The following VCF1 variants were observed in gnomAD, a reference collection of about 807,000 sequenced individuals.
VCF1 encodes the protein VCP nuclear cofactor family member 1.
At chr17:73,231,989 G>T in the VCF1 span, 1 of 1,323,974 alleles carries the variant, frequency 7.6e-7, no homozygotes, top group Non-Finnish European at 1.0e-6. Flanking sequence ...AGCCCCGCCG[G>T]GTCCACTCTT....
chr17:73,207,387 G>A, the VCF1 span: 2 of 891,244 alleles, frequency 2.2e-6, no homozygotes, highest in Admixed American at 4.0e-5. Context: ...GCTTTTAATG[G>A]CGGCGCAATA....
chr17:73,232,163 G>C, the VCF1 span: 93 of 1,610,234 alleles, frequency 5.8e-5, no homozygotes, highest in Middle Eastern at 1.7e-4. Context: ...AGGGAACAGA[G>C]GGGGTTGTGT....
At chr17:73,214,207 T>C in the VCF1 span, among the ~76,000 whole-genome samples, 24 of 152,218 alleles carry the variant, frequency 1.6e-4, no homozygotes, top group Middle Eastern at 3.4e-3. Context: ...TCAGACCAGT[T>C]TTCTCACTAC....
At chr17:73,232,028 C>G in the VCF1 span, 7 of 1,499,568 alleles carry the variant, frequency 4.7e-6, no homozygotes, top group Non-Finnish European at 6.3e-6. Flanking sequence ...CGCGCCCCCT[C>G]GGCTCTATCT....
At chr17:73,211,793 A>T in the VCF1 span, among the ~76,000 whole-genome samples, 3 of 149,174 alleles carry the variant, frequency 2.0e-5, no homozygotes, top group Non-Finnish European at 3.0e-5. Flanking sequence ...CCGGGAGGTG[A>T]AGGTTGCAGT....
chr17:73,232,304 C>A, the VCF1 span: 25 of 1,578,106 alleles, frequency 1.6e-5, no homozygotes, highest in Admixed American at 1.0e-4. Context: ...CGCGCCCCCC[C>A]ATGTCGCTGC....
chr17:73,208,565 A>G, the VCF1 span: 1 of 1,295,996 alleles, frequency 7.7e-7, no homozygotes, highest in Non-Finnish European at 1.1e-6. Context: ...CACTGATGGA[A>G]TGTGGCCCCC....
the VCF1 span, among the ~76,000 whole-genome samples, chr17:73,211,002 T>C: frequency 6.6e-6 from 1 of 152,206 alleles, no homozygotes; most frequent in Non-Finnish European, 1.5e-5. Flanking sequence ...AATACAATAT[T>C]GTATTCAGCA....
At chr17:73,224,848 A>G in the VCF1 span, among the ~76,000 whole-genome samples, 2 of 151,938 alleles carry the variant, frequency 1.3e-5, no homozygotes, top group Admixed American at 6.6e-5. Context: ...AGCACAGGAC[A>G]GGACAGGACA....
the VCF1 span, among the ~76,000 whole-genome samples, chr17:73,216,612 G>A: frequency 6.6e-6 from 1 of 152,176 alleles, no homozygotes; most frequent in Non-Finnish European, 1.5e-5. Context: ...GAGCCGAAAA[G>A]AAGGGAGAAA....
the VCF1 span, among the ~76,000 whole-genome samples, chr17:73,226,440 A>C: frequency 2.0e-5 from 3 of 152,216 alleles, no homozygotes; most frequent in African/African-American, 7.2e-5. Flanking sequence ...TTCTACTGTG[A>C]GTTATGAGGC....
chr17:73,224,900 G>GACAGC, the VCF1 span, among the ~76,000 whole-genome samples: 1 of 124,702 alleles, frequency 8.0e-6, no homozygotes, highest in Non-Finnish European at 1.7e-5. Flanking sequence ...GACAGGACAG[G>GACAGC]ACAGGACAGG....
chr17:73,229,139 C>T, the VCF1 span: 2 of 985,364 alleles, frequency 2.0e-6, no homozygotes, highest in Non-Finnish European at 2.4e-6. Context: ...ATATCCCTGC[C>T]TCATAAATTA....
the VCF1 span, among the ~76,000 whole-genome samples, chr17:73,222,691 C>A: frequency 6.6e-6 from 1 of 151,138 alleles, no homozygotes; most frequent in African/African-American, 2.4e-5. Flanking sequence ...GCAGGAGAAT[C>A]ACTTGAACCT....
the VCF1 span, chr17:73,208,160 C>G: frequency 5.2e-6 from 8 of 1,527,662 alleles, no homozygotes; most frequent in Admixed American, 2.0e-5. Context: ...CTCTTCAAAT[C>G]TGGACCGACA....
At chr17:73,218,393 T>C in the VCF1 span, among the ~76,000 whole-genome samples, 19 of 152,352 alleles carry the variant, frequency 1.2e-4, no homozygotes, top group African/African-American at 4.3e-4. Context: ...ATCCTTTCTA[T>C]ACCTTTGTTA....
the VCF1 span, chr17:73,208,008 G>T: frequency 1.5e-6 from 2 of 1,300,386 alleles, no homozygotes; most frequent in Non-Finnish European, 2.0e-6. Context: ...TTCCAGAACA[G>T]TTTCCACTGC....
the VCF1 span, among the ~76,000 whole-genome samples, chr17:73,224,955 G>GACAGGACAGC: frequency 1.2e-5 from 1 of 80,144 alleles, no homozygotes; most frequent in East Asian, 3.7e-4. Context: ...CACAGCACAG[G>GACAGGACAGC]ACAGGACAGC....
the VCF1 span, chr17:73,207,865 A>G: frequency 4.1e-6 from 5 of 1,205,382 alleles, no homozygotes; most frequent in African/African-American, 4.8e-5. Context: ...CGTATTCCCT[A>G]CCATCGAACC....
Sources: gnomAD v4.1 joint callset for allele counts (sites outside exome capture counted in the v4.1 genomes callset) on GRCh38, gnomAD v4.1.1 for gene constraint, MANE v1.5 for transcripts, NCBI Gene and HGNC (gene_info 2026-07-23, HGNC 2026-07-21) for gene names.